Variants in PARP8 observed in about 807,000 individuals in gnomAD.
The protein encoded by PARP8 is protein mono-ADP-ribosyltransferase PARP8.
Under a neutral mutation model 124.1 loss-of-function variants are expected in PARP8, and 51 were observed. The ratio of observed to expected loss-of-function variants is 0.41; its 90% CI spans 0.33 to 0.52. PARP8 has a LOEUF of 0.52. PARP8 is among the 20% of genes least tolerant of loss of function. The pLI is 0.21. For missense variants in PARP8, 860 were observed against 1,018.9 expected (o/e 0.84, Z 2.12); for synonymous variants, 391 against 361.5 (o/e 1.08, Z -0.93).
At chr5:50,761,760 C>G in intron 5 of PARP8, 61 bp from the exon 6 acceptor site, 1 of 1,095,726 alleles carries the variant, frequency 9.1e-7, no homozygotes, top group South Asian at 1.4e-5. Flanking sequence ...TAGTCACTTG[C>G]TATTTTAGAA....
rs2149655082 is a variant in PARP8 at position 50,797,120 on chromosome 5, C to T, written c.1480-18C>T. The T allele has an allele frequency of 1.2e-6, 2 of 1,608,704 alleles. No homozygotes were observed. Among genetic ancestry groups the T allele is most frequent in the East Asian group, 4.5e-5 (2 of 44,802 alleles). On this transcript the variant is annotated intron_variant, in intron 13 of 25. Coordinates refer to ENST00000281631, the MANE Select transcript of PARP8 (RefSeq NM_024615.4). ...TTATGAGCTTGTCTTAATTATTTTT[C>T]CTTACTGTTTTATTCAGACAATTGA...
chr5:50,775,486 G>C (rs1319655632), intron 7 of PARP8, among the ~76,000 whole-genome samples: 1 of 152,066 alleles, frequency 6.6e-6, no homozygotes, highest in East Asian at 1.9e-4. Flanking sequence ...GCCCGAGGCA[G>C]GGAGGTTGCG....
intron 14 of PARP8, among the ~76,000 whole-genome samples, chr5:50,809,448 A>C (rs1284878513): frequency 2.0e-5 from 3 of 152,118 alleles, no homozygotes; most frequent in African/African-American, 4.8e-5. Context: ...ATGCTACTTC[A>C]TAATATGCTT....
At chr5:50,820,680 G>A (rs1041077730) in intron 15 of PARP8, among the ~76,000 whole-genome samples, 2 of 152,194 alleles carry the variant, frequency 1.3e-5, no homozygotes, top group Non-Finnish European at 2.9e-5. Flanking sequence ...CCCTGGAACA[G>A]CTTCTCGCCA....
chr5:50,697,146 C>T (rs1753122926), intron 2 of PARP8, among the ~76,000 whole-genome samples: 1 of 152,146 alleles, frequency 6.6e-6, no homozygotes, highest in South Asian at 2.1e-4. Context: ...ATCCCAGCTA[C>T]TCAGGAGGCT....
chr5:50,666,830 G>T lies in PARP8; in HGVS notation c.-266G>T, dbSNP rs1749329834. The T allele has an allele frequency of 7.6e-7, 1 of 1,307,906 alleles. No homozygotes were observed. The highest frequency in any genetic ancestry group is 1.6e-5 in the South Asian group (1 of 63,232). 81.0% of individuals were successfully genotyped at this position (1,307,906 alleles called of 1,614,324 possible). A position where few individuals can be genotyped will look rare whatever the true frequency, so the allele number is the denominator to read the frequency against. ...TGTCATCACCATCCATTGTCAGAAG[G>T]GGAGGAAATTGGAATCCAGCAGCGG... On this transcript the variant is annotated 5_prime_UTR_variant, in exon 1 of 26. Coordinates refer to ENST00000281631, the MANE Select transcript of PARP8 (RefSeq NM_024615.4).
chr5:50,780,357 C>A (rs1425006416), intron 9 of PARP8, among the ~76,000 whole-genome samples: 1 of 152,044 alleles, frequency 6.6e-6, no homozygotes, highest in Admixed American at 6.5e-5. Context: ...AAAAGGAAGT[C>A]CTTATGTCTG....
intron 2 of PARP8, among the ~76,000 whole-genome samples, chr5:50,677,274 C>T (rs1335553216): frequency 1.4e-5 from 2 of 144,416 alleles, no homozygotes; most frequent in African/African-American, 5.2e-5. Context: ...CTGATGCAGT[C>T]ATCATTTCTC....
At chr5:50,720,198 T>C (rs1755734776) in intron 2 of PARP8, among the ~76,000 whole-genome samples, 7 of 152,212 alleles carry the variant, frequency 4.6e-5, no homozygotes, top group Admixed American at 3.9e-4. Flanking sequence ...GATTTATCAC[T>C]GTCAAGATCT....
At chr5:50,675,124 A>G (rs541279035) in intron 2 of PARP8, among the ~76,000 whole-genome samples, 4 of 152,348 alleles carry the variant, frequency 2.6e-5, no homozygotes, top group African/African-American at 4.8e-5. Context: ...GGAGACATCT[A>G]TTGAAACCTT....
chr5:50,780,032 T>G (rs1250199400), intron 9 of PARP8, among the ~76,000 whole-genome samples: 52 of 152,206 alleles, frequency 3.4e-4, no homozygotes, highest in Non-Finnish European at 5.3e-4. Context: ...AAAAGGAATT[T>G]CTCATAATTC....
rs186814805 is a variant in PARP8 at position 50,727,040 on chromosome 5, T to A, written c.147-23111T>A. 2.0e-5 allele frequency among the ~76,000 whole-genome samples: 3 copies of A among 152,222 alleles called. No individual in the cohort carries two copies. In the East Asian group the frequency reaches 5.8e-4, roughly 29 times the overall value. ...AGTCATAAATCAAAACCATCTGAAA[T>A]TTTCCAGGGTCTTTCTGAAGGTTGT... On this transcript the variant is annotated intron_variant, in intron 2 of 25. Transcript: ENST00000281631.
At chr5:50,701,950 C>T (rs1290485918) in intron 2 of PARP8, among the ~76,000 whole-genome samples, 1 of 151,976 alleles carries the variant, frequency 6.6e-6, no homozygotes, top group Non-Finnish European at 1.5e-5. Context: ...AAATAATGGC[C>T]GTAATTGGGG....
At chr5:50,759,535 A>T (rs1421585394) in intron 3 of PARP8, 108 bp from the exon 4 acceptor site, 44 of 1,225,834 alleles carry the variant, frequency 3.6e-5, no homozygotes, top group Non-Finnish European at 4.5e-5. Context: ...TGTATGCTTT[A>T]TGAGAGTTGG....
chr5:50,671,488 T>C (rs1170159699), intron 2 of PARP8, among the ~76,000 whole-genome samples: 1 of 126,910 alleles, frequency 7.9e-6, no homozygotes, highest in Non-Finnish European at 1.6e-5. Flanking sequence ...AGTACACAAA[T>C]AAGAATTGTG....
Position 50,846,468 on chromosome 5 carries a change from A to AATG in PARP8, c.*4400_*4401insATG, listed in dbSNP as rs2149742656. 6.6e-6 allele frequency: 1 copy of AATG among 151,840 alleles called. No homozygotes were observed. Among genetic ancestry groups the AATG allele is most frequent in the South Asian group, 2.1e-4 (1 of 4,822 alleles). 9.4% of individuals were successfully genotyped at this position (151,840 alleles called of 1,614,324 possible). ...TATCCAGCTTTGTAATAGTTCCAAC[A>AATG]TTGTAGCGAATGTAAATGTTTACTT... is the stretch of plus-strand genomic sequence containing the variant. On this transcript the variant is annotated 3_prime_UTR_variant, in exon 26 of 26. Transcript: ENST00000281631.
At chr5:50,789,221 C>A (rs1463761960) in intron 10 of PARP8, among the ~76,000 whole-genome samples, 1 of 151,838 alleles carries the variant, frequency 6.6e-6, no homozygotes, top group African/African-American at 2.4e-5. Context: ...ATCTTTAAGT[C>A]TATTTTATAT....
chr5:50,735,376 C>T (rs1757372706), intron 2 of PARP8, among the ~76,000 whole-genome samples: 1 of 152,058 alleles, frequency 6.6e-6, no homozygotes, highest in South Asian at 2.1e-4. Context: ...CTCCTTTGTT[C>T]TAATTTTACA....
intron 2 of PARP8, among the ~76,000 whole-genome samples, chr5:50,679,988 G>A (rs1030635327): frequency 5.5e-4 from 83 of 152,244 alleles, no homozygotes; most frequent in African/African-American, 1.8e-3. Flanking sequence ...AAAACATATA[G>A]AGAAGCCGTT....
Sources: allele counts gnomAD v4.1 joint callset (sites outside exome capture counted in the v4.1 genomes callset), GRCh38; gene constraint gnomAD v4.1.1; transcripts MANE v1.5; gene names NCBI Gene and HGNC (gene_info 2026-07-23, HGNC 2026-07-21).